STK39: variants seen among roughly 807,000 people sequenced by gnomAD.
The protein encoded by STK39 is STE20/SPS1-related proline-alanine-rich protein kinase.
STK39 carries 20 observed loss-of-function variants against 77.8 expected under a neutral mutation model. That is an observed-to-expected ratio of 0.26 (90% CI 0.18 to 0.37). STK39 has a LOEUF of 0.37. STK39 is among the 10% of genes least tolerant of loss of function. The pLI is 1.00. For missense variants in STK39, 479 were observed against 656.5 expected (o/e 0.73, Z 2.95); for synonymous variants, 246 against 234.1 (o/e 1.05, Z -0.47).
intron 14 of STK39, among the ~76,000 whole-genome samples, chr2:168,047,607 T>C (rs1209921486): frequency 6.6e-6 from 1 of 152,156 alleles, no homozygotes; most frequent in Non-Finnish European, 1.5e-5. Flanking sequence ...GTGGGCATGC[T>C]GGTAAATTCT....
intron 14 of STK39, among the ~76,000 whole-genome samples, chr2:168,027,771 G>A (rs532627555): frequency 1.3e-5 from 2 of 152,230 alleles, no homozygotes; most frequent in African/African-American, 2.4e-5. Context: ...GACAGTTCCC[G>A]CTGGCTACCT....
At chr2:167,983,453 CAAAA>C (rs761596679) in intron 16 of STK39, among the ~76,000 whole-genome samples, 7 of 92,192 alleles carry the variant, frequency 7.6e-5, no homozygotes, top group Non-Finnish European at 9.1e-5. Context: ...AAACTCCATC[CAAAA>C]AAAAAAAAAA....
At chr2:168,071,869 CAAAA>C (rs201293469) in intron 12 of STK39, among the ~76,000 whole-genome samples, 1 of 105,474 alleles carries the variant, frequency 9.5e-6, no homozygotes, top group African/African-American at 3.8e-5. Context: ...GACTCCATCT[CAAAA>C]AAAAAAAAAA....
At chr2:168,041,476 A>C (rs1394627316) in intron 14 of STK39, among the ~76,000 whole-genome samples, 1 of 152,094 alleles carries the variant, frequency 6.6e-6, no homozygotes, top group Non-Finnish European at 1.5e-5. Context: ...TCTTTAAAAA[A>C]AAAAATGCAT....
rs543153637 is a variant in STK39, at chr2:168,114,620, A to C, written c.1089+14921T>G. On this transcript the variant is annotated intron_variant, in intron 10 of 17. Transcript: ENST00000355999. The stretch of plus-strand genomic sequence containing the variant: ...AAGGTTATACGTTCTTTTTAAAAAC[A>C]ATGCAATGGTTCAGGAAAAAAGAAA... 3.1e-4 allele frequency among the ~76,000 whole-genome samples: 47 copies of C among 152,282 alleles called. 1 individual carries two copies. In the South Asian group the frequency reaches 9.3e-3, roughly 30 times the overall value.
At chr2:167,993,973 T>C (rs934247156) in intron 16 of STK39, among the ~76,000 whole-genome samples, 5 of 152,244 alleles carry the variant, frequency 3.3e-5, no homozygotes, top group Admixed American at 1.3e-4. Context: ...GCAATTTTTA[T>C]ACCTGGGTCC....
chr2:168,171,063 T>C (rs555904551), intron 2 of STK39, among the ~76,000 whole-genome samples: 40 of 152,262 alleles, frequency 2.6e-4, no homozygotes, highest in African/African-American at 9.1e-4. Flanking sequence ...GACTTAGACA[T>C]GTCACAAGCG....
chr2:168,127,291 C>T (rs1329741402), intron 10 of STK39, among the ~76,000 whole-genome samples: 1 of 152,104 alleles, frequency 6.6e-6, no homozygotes, highest in East Asian at 1.9e-4. Flanking sequence ...GCTGGGACTA[C>T]AGGTGCCTAC....
At chr2:168,224,133 T>A (rs866676650) in intron 1 of STK39, among the ~76,000 whole-genome samples, 65 of 151,790 alleles carry the variant, frequency 4.3e-4, no homozygotes, top group African/African-American at 1.5e-3. Context: ...TTGGCACTTA[T>A]AAGGGGAGAA....
At chr2:168,235,967 C>G (rs1690594829) in intron 1 of STK39, among the ~76,000 whole-genome samples, 1 of 151,964 alleles carries the variant, frequency 6.6e-6, no homozygotes, top group African/African-American at 2.4e-5. Context: ...TGGGTATATA[C>G]CCAGTAATGG....
At chr2:168,166,153 G>C (rs1688689620) in intron 3 of STK39, among the ~76,000 whole-genome samples, 1 of 152,210 alleles carries the variant, frequency 6.6e-6, no homozygotes, top group Non-Finnish European at 1.5e-5. Flanking sequence ...CCTTGGGCAA[G>C]TTGCTAAACT....
chr2:168,187,381 T>C (rs1689236043), intron 1 of STK39, among the ~76,000 whole-genome samples: 2 of 152,008 alleles, frequency 1.3e-5, no homozygotes, highest in South Asian at 4.1e-4. Flanking sequence ...TTAAAATATC[T>C]ATGTCAATCC....
At chr2:168,141,268 C>T (rs1687973510) in intron 5 of STK39, among the ~76,000 whole-genome samples, 1 of 152,094 alleles carries the variant, frequency 6.6e-6, no homozygotes, top group Non-Finnish European at 1.5e-5. Flanking sequence ...TGCTTGCGAC[C>T]AGAAATGTTT....
intron 5 of STK39, among the ~76,000 whole-genome samples, chr2:168,148,201 T>C (rs1337549361): frequency 6.6e-6 from 1 of 152,268 alleles, no homozygotes; most frequent in Non-Finnish European, 1.5e-5. Context: ...TTTAAGTTTA[T>C]GTATAATTAA....
At chr2:168,006,924 C>G (rs1684147303) in intron 16 of STK39, among the ~76,000 whole-genome samples, 1 of 152,170 alleles carries the variant, frequency 6.6e-6, no homozygotes, top group African/African-American at 2.4e-5. Flanking sequence ...CGAAGGTCGG[C>G]ACACTAAAAG....
At chr2:168,143,353 C>G (rs1688043875) in intron 5 of STK39, among the ~76,000 whole-genome samples, 1 of 152,220 alleles carries the variant, frequency 6.6e-6, no homozygotes, top group African/African-American at 2.4e-5. Flanking sequence ...TTCCCATCTC[C>G]CTTCTTTCCC....
At chr2:168,210,396 T>C (rs1315205083) in intron 1 of STK39, among the ~76,000 whole-genome samples, 1 of 152,214 alleles carries the variant, frequency 6.6e-6, no homozygotes, top group Non-Finnish European at 1.5e-5. Context: ...AGAAAATATG[T>C]TGTGGTTTCA....
intron 2 of STK39, 61 bp from the exon 3 acceptor site, chr2:168,167,468 AG>A: frequency 3.5e-6 from 5 of 1,429,390 alleles, no homozygotes; most frequent in Non-Finnish European, 2.9e-6. Context: ...GCAAAACACA[AG>A]TGAATCACAG....
At chr2:167,960,591 T>C (rs1475833312) in intron 17 of STK39, among the ~76,000 whole-genome samples, 1 of 152,124 alleles carries the variant, frequency 6.6e-6, no homozygotes, top group African/African-American at 2.4e-5. Flanking sequence ...ATGCACGCTC[T>C]TACTCAGGGT....
Sources: allele counts gnomAD v4.1 joint callset (sites outside exome capture counted in the v4.1 genomes callset), GRCh38; gene constraint gnomAD v4.1.1; transcripts MANE v1.5; gene names NCBI Gene and HGNC (gene_info 2026-07-23, HGNC 2026-07-21).